FRMD5: variants seen among roughly 807,000 people sequenced by gnomAD.
FRMD5 encodes FERM domain containing 5, also known as FERM domain-containing protein 5.
Under a neutral mutation model 69.0 loss-of-function variants are expected in FRMD5, and 20 were observed. The observed-to-expected ratio is 0.29, with a 90% CI of 0.20 to 0.42. FRMD5 has a LOEUF of 0.42. Among genes scored for constraint, FRMD5 ranks in the 10% least tolerant of loss-of-function variants. FRMD5 has a pLI of 1.00. For missense variants in FRMD5, 595 were observed against 708.6 expected (o/e 0.84, Z 1.82); for synonymous variants, 271 against 260.1 (o/e 1.04, Z -0.40).
chr15:44,157,906 C>T (rs2077552924), intron 1 of FRMD5, among the ~76,000 whole-genome samples: 1 of 152,112 alleles, frequency 6.6e-6, no homozygotes, highest in African/African-American at 2.4e-5. Context: ...CCTGATGAGA[C>T]AATTGAATCA....
At chr15:43,981,523 C>T (rs1168972387) in intron 1 of FRMD5, among the ~76,000 whole-genome samples, 1 of 152,082 alleles carries the variant, frequency 6.6e-6, no homozygotes, top group East Asian at 1.9e-4. Flanking sequence ...AGCCAACACA[C>T]TTGGTGTAAC....
At chr15:43,900,691 C>A (rs374715892) in intron 7 of FRMD5, among the ~76,000 whole-genome samples, 1 of 150,908 alleles carries the variant, frequency 6.6e-6, no homozygotes, top group East Asian at 2.0e-4. Flanking sequence ...GATCTCAGCT[C>A]ACTGCAACCT....
intron 1 of FRMD5, among the ~76,000 whole-genome samples, chr15:44,015,484 GAATAT>G (rs948026183): frequency 6.6e-6 from 1 of 152,030 alleles, no homozygotes; most frequent in African/African-American, 2.4e-5. Flanking sequence ...ATAATGAGAA[GAATAT>G]AAAATATATC....
At chr15:43,944,404 T>C (rs2089910284) in intron 1 of FRMD5, among the ~76,000 whole-genome samples, 1 of 152,208 alleles carries the variant, frequency 6.6e-6, no homozygotes, top group Non-Finnish European at 1.5e-5. Flanking sequence ...ACAAATCCCA[T>C]CACCACTTAA....
At chr15:44,023,710 C>T (rs1891311061) in intron 1 of FRMD5, among the ~76,000 whole-genome samples, 1 of 152,144 alleles carries the variant, frequency 6.6e-6, no homozygotes, top group Admixed American at 6.6e-5. Flanking sequence ...TTGGCAAACA[C>T]TAAAGTCTTC....
intron 1 of FRMD5, among the ~76,000 whole-genome samples, chr15:44,068,101 T>C (rs1367864279): frequency 6.6e-6 from 1 of 152,216 alleles, no homozygotes; most frequent in Non-Finnish European, 1.5e-5. Context: ...CAAGTGTTGC[T>C]AAGAGTGCAA....
At chr15:44,059,410 A>G (rs956138204) in intron 1 of FRMD5, among the ~76,000 whole-genome samples, 1 of 152,244 alleles carries the variant, frequency 6.6e-6, no homozygotes, top group African/African-American at 2.4e-5. Context: ...TGGGCCTTAA[A>G]CATCTGAGAA....
intron 1 of FRMD5, among the ~76,000 whole-genome samples, chr15:44,100,864 C>T (rs2076628335): frequency 6.6e-6 from 1 of 152,010 alleles, no homozygotes; most frequent in Non-Finnish European, 1.5e-5. Flanking sequence ...ATAAACTAGT[C>T]TTGGGGCCAG....
At chr15:44,152,935 T>A (rs1411533975) in intron 1 of FRMD5, among the ~76,000 whole-genome samples, 1 of 151,100 alleles carries the variant, frequency 6.6e-6, no homozygotes, top group East Asian at 1.9e-4. Flanking sequence ...AAAGAAGATA[T>A]ACAAATGGCC....
chr15:44,005,896 A>C (rs976667835), intron 1 of FRMD5, among the ~76,000 whole-genome samples: 1 of 152,198 alleles, frequency 6.6e-6, no homozygotes, highest in Non-Finnish European at 1.5e-5. Flanking sequence ...TCTCCATAAC[A>C]TAAAAGTGCA....
intron 4 of FRMD5, among the ~76,000 whole-genome samples, chr15:43,912,295 G>C (rs2089302568): frequency 6.6e-6 from 1 of 152,070 alleles, no homozygotes; most frequent in African/African-American, 2.4e-5. Context: ...TGTTTGCCAA[G>C]AAAAACGAAA....
At chr15:44,113,702 C>A (rs1324018148) in intron 1 of FRMD5, among the ~76,000 whole-genome samples, 1 of 152,160 alleles carries the variant, frequency 6.6e-6, no homozygotes, top group Non-Finnish European at 1.5e-5. Flanking sequence ...GCTTCCCCTC[C>A]TCCCCACTTC....
chr15:44,143,910 TGA>T (rs1364660122), intron 1 of FRMD5, among the ~76,000 whole-genome samples: 1 of 108,088 alleles, frequency 9.3e-6, no homozygotes, highest in Non-Finnish European at 1.8e-5. Context: ...GGCGACAGAC[TGA>T]GACTCTGTCA....
chr15:43,969,642 G>A (rs2090346338), intron 1 of FRMD5, among the ~76,000 whole-genome samples: 1 of 152,078 alleles, frequency 6.6e-6, no homozygotes, highest in Non-Finnish European at 1.5e-5. Context: ...CAAAAAGACT[G>A]GAAGTTCTTA....
chr15:43,913,483 T>C (rs2089326955), intron 4 of FRMD5, among the ~76,000 whole-genome samples: 1 of 152,190 alleles, frequency 6.6e-6, no homozygotes, highest in African/African-American at 2.4e-5. Flanking sequence ...TTGTGTTTGG[T>C]TCATTTAAGA....
At chr15:43,989,193 A>C in intron 1 of FRMD5, 1 of 844,072 alleles carries the variant, frequency 1.2e-6, no homozygotes, top group Non-Finnish European at 2.1e-6. Flanking sequence ...TGCGCTTGGG[A>C]GGAGCAGTGA....
At chr15:44,010,725 C>A (rs985964463) in intron 1 of FRMD5, among the ~76,000 whole-genome samples, 3 of 152,092 alleles carry the variant, frequency 2.0e-5, no homozygotes. Context: ...AAATGATATT[C>A]TTGACAATGG....
At chr15:43,986,104 T>C (rs896887747) in intron 1 of FRMD5, among the ~76,000 whole-genome samples, 6 of 152,230 alleles carry the variant, frequency 3.9e-5, no homozygotes, top group African/African-American at 1.2e-4. Flanking sequence ...CAAACTTGAT[T>C]GCTAGCTCTT....
chr15:44,157,161 T>C (rs752792135), intron 1 of FRMD5, among the ~76,000 whole-genome samples: 7 of 152,202 alleles, frequency 4.6e-5, no homozygotes, highest in Non-Finnish European at 7.4e-5. Context: ...TTATGAGAGC[T>C]AAAATCCAGA....
Sources: allele counts gnomAD v4.1 joint callset (sites outside exome capture counted in the v4.1 genomes callset), GRCh38; gene constraint gnomAD v4.1.1; transcripts MANE v1.5; gene names NCBI Gene and HGNC (gene_info 2026-07-23, HGNC 2026-07-21).